The following CEP72 variants were observed in gnomAD, a reference collection of about 807,000 sequenced individuals.
The protein encoded by CEP72 is centrosomal protein 72, also known as centrosomal protein of 72 kDa.
In CEP72, 78 loss-of-function variants were observed where a neutral mutation model predicts 65.7. The ratio of observed to expected loss-of-function variants is 1.19; its 90% CI spans 0.99 to 1.43. The LOEUF is 1.43. CEP72 is among the 40% of genes most tolerant of loss of function. The pLI is 0.00. For missense variants in CEP72, 914 were observed against 832.9 expected, an observed-to-expected ratio of 1.10 and a Z score of -1.20; for synonymous variants, 358 against 351.7, an observed-to-expected ratio of 1.02 and a Z score of -0.20.
downstream of CEP72, among the ~76,000 whole-genome samples, chr5:669,772 C>T (rs1046387746): frequency 2.0e-5 from 3 of 152,052 alleles, no homozygotes; most frequent in East Asian, 1.9e-4. Flanking sequence ...CTGCCCCACA[C>T]GGGCGGGGAG....
rs796181308 is a variant in CEP72 at position 641,381 on chromosome 5, C to T, written c.1539+777C>T. The T allele has an allele frequency of 1.8e-5, 18 of 985,446 alleles. No individual in the cohort carries two copies. In the African/African-American group the frequency reaches 2.8e-4, roughly 15 times the overall value. 61.0% of individuals were successfully genotyped at this position (985,446 alleles called of 1,614,324 possible). On this transcript the variant is annotated intron_variant, in intron 9 of 11. Coordinates refer to ENST00000264935, the MANE Select transcript of CEP72 (RefSeq NM_018140.4). ...TGAGGATGTGCACATCCAGAGGGGCCTTGTCAGCATCTTTAAATTGCGAGT... is the reference window on the plus strand; with the variant it reads ...TGAGGATGTGCACATCCAGAGGGGCTTTGTCAGCATCTTTAAATTGCGAGT...
chr5:641,593 A>G (rs1738030951), intron 9 of CEP72: 1 of 978,298 alleles, frequency 1.0e-6, no homozygotes, highest in African/African-American at 1.8e-5. Context: ...CCCGCCTGGA[A>G]GCCTCTGCAC....
At chr5:628,279 A>T (rs1023286205) in intron 4 of CEP72, among the ~76,000 whole-genome samples, 1 of 152,246 alleles carries the variant, frequency 6.6e-6, no homozygotes, top group Non-Finnish European at 1.5e-5. Context: ...AGAGTGGAAG[A>T]TGACGTGGGT....
At chr5:637,315 ACCCT>A (rs1737676187) in intron 6 of CEP72, among the ~76,000 whole-genome samples, 198 bp from the exon 7 acceptor site, 1 of 151,682 alleles carries the variant, frequency 6.6e-6, no homozygotes, top group Non-Finnish European at 1.5e-5. Context: ...TTCCCTCGGC[ACCCT>A]CCCTCTGCAT....
At chr5:651,236 C>CTG (rs1251068383) in intron 11 of CEP72, among the ~76,000 whole-genome samples, 4 of 30,114 alleles carry the variant, frequency 1.3e-4, no homozygotes, top group African/African-American at 4.0e-4. Context: ...TGAGGTGTGA[C>CTG]TGAGGCGTGG....
At chr5:665,083 G>A (rs145705783) in intron 2 of CEP72, 123 of 1,602,502 alleles carry the variant, frequency 7.7e-5, no homozygotes, top group Middle Eastern at 5.5e-4. Flanking sequence ...CGGCAGTGCC[G>A]CGAGGCATGG....
chr5:662,106 A>G (rs1035182020), intron 1 of CEP72: 17 of 152,374 alleles, frequency 1.1e-4, no homozygotes, highest in African/African-American at 3.9e-4. Context: ...TCTCTCTCAG[A>G]GTGAAGGGAC....
At chr5:648,848 C>A (rs1404785260) in intron 11 of CEP72, among the ~76,000 whole-genome samples, 2 of 19,050 alleles carry the variant, frequency 1.0e-4, no homozygotes, top group Non-Finnish European at 9.8e-5. Context: ...GAGGTGTGGA[C>A]TGTGAGGTGT....
At chr5:656,684 A>T (rs1026102948), downstream of CEP72, among the ~76,000 whole-genome samples, 1 of 152,216 alleles carries the variant, frequency 6.6e-6, no homozygotes, top group Non-Finnish European at 1.5e-5. Context: ...TTTTAGGCAC[A>T]CAGTCATGTT....
At position 645,669 on chromosome 5, in the gene CEP72, C is replaced by T. The variant is rs1738368006; in HGVS notation, c.1666+1244C>T. Among the ~76,000 whole-genome samples, 1 of 152,242 alleles carries T rather than the reference C, an allele frequency of 6.6e-6. No homozygotes were observed. Among genetic ancestry groups the T allele is most frequent in the African/African-American group, 2.4e-5 (1 of 41,462 alleles). On this transcript the variant is annotated intron_variant, in intron 10 of 11. Transcript: ENST00000264935. This position sits in a 1 kb window ranked among gnomAD's most constrained non-coding sequence, Gnocchi z 4.0. ...CGATGGCATCTGATCAGCACTGGTA[C>T]CCGCTCCACGCCCTGAGCTGCTGGG...
rs368448089 is a variant in CEP72, at chr5:633,799, G to A, written c.543G>A (p.Glu181=). 2.2e-5 allele frequency: 35 copies of A among 1,614,120 alleles called. No homozygotes were observed. In the African/African-American group the frequency reaches 4.1e-4, roughly 19 times the overall value. Residue 181 remains glutamate, a synonymous_variant, in exon 5 of 12, where the codon GAG becomes GAA. Coordinates refer to ENST00000264935, the MANE Select transcript of CEP72 (RefSeq NM_018140.4). The part of the protein sequence containing the change: ...RPHHPRAKCT[E]ALAKQSLVMD... ...ACCACCCCAGAGCCAAGTGCACCGA[G>A]GCCTTGGCCAAGCAGAGCCTGGTCA...
At chr5:674,372 C>T in the CEP72 span, among the ~76,000 whole-genome samples, 1 of 152,298 alleles carries the variant, frequency 6.6e-6, no homozygotes, top group East Asian at 1.9e-4. Flanking sequence ...GCCCTGGCAG[C>T]CAAGGGGAGG....
intron 1 of CEP72, among the ~76,000 whole-genome samples, chr5:615,372 G>A (rs755698453): frequency 3.9e-5 from 6 of 152,120 alleles, no homozygotes; most frequent in Non-Finnish European, 5.9e-5. Context: ...CTGACCTCAG[G>A]TGATCTCTGC....
At chr5:675,984 C>G in the CEP72 span, 1 of 152,088 alleles carries the variant, frequency 6.6e-6, no homozygotes, top group East Asian at 1.9e-4. Context: ...AGCTCGCACC[C>G]GGGGCCCTGG....
the CEP72 span, among the ~76,000 whole-genome samples, chr5:675,602 G>A: frequency 1.3e-5 from 2 of 151,396 alleles, no homozygotes; most frequent in Admixed American, 6.6e-5. Context: ...AGCATGGGGG[G>A]TACAGTGTGG....
Position 620,268 on chromosome 5 carries a change from A to G in CEP72, c.403+7A>G. The G allele has an allele frequency of 1.9e-6, 3 of 1,612,160 alleles. No individual in the cohort carries two copies. The highest frequency in any genetic ancestry group is 2.5e-6 in the Non-Finnish European group (3 of 1,178,272). ...CCCAAGCTCCAGCAGCTGGGTAGGC[A>G]TCAGGCAGGGCCACGCTCATGCTTT... On this transcript the variant is annotated splice_region_variant and intron_variant, in intron 3 of 11. Coordinates refer to ENST00000264935, the MANE Select transcript of CEP72 (RefSeq NM_018140.4).
In CEP72 at chr5:612,446, G is replaced by T; in HGVS notation, c.82+3G>T. 1 of 1,445,432 alleles carries T rather than the reference G, an allele frequency of 6.9e-7. No individual in the cohort carries two copies. Among genetic ancestry groups the T allele is most frequent in the Non-Finnish European group, 9.1e-7 (1 of 1,100,044 alleles). The allele number at this position is 1,445,432 out of a possible 1,614,324, so 89.5% of individuals were successfully genotyped here. On this transcript the variant is annotated splice_donor_region_variant and intron_variant, in intron 1 of 11. Coordinates refer to ENST00000264935, the MANE Select transcript of CEP72 (RefSeq NM_018140.4). The stretch of plus-strand genomic sequence containing the variant: ...CTTAGGGCCTCACCGCGACCTGGGT[G>T]CGCCGGAGGGCGGGCGGGGGTGCAA...
At chr5:673,761 C>T in the CEP72 span, among the ~76,000 whole-genome samples, 1 of 152,160 alleles carries the variant, frequency 6.6e-6, no homozygotes, top group African/African-American at 2.4e-5. Context: ...AGCTTTAGCC[C>T]CCCAAGCGCC....
At chr5:641,103 C>T in intron 9 of CEP72, 1 of 985,450 alleles carries the variant, frequency 1.0e-6, no homozygotes, top group Non-Finnish European at 1.2e-6. Context: ...CAGCCAGGCT[C>T]CCTCCTTCCG....
Sources: allele counts gnomAD v4.1 joint callset (sites outside exome capture counted in the v4.1 genomes callset), GRCh38; gene constraint gnomAD v4.1.1; non-coding constraint Gnocchi (gnomAD v3.1); transcripts MANE v1.5; gene names NCBI Gene and HGNC (gene_info 2026-07-23, HGNC 2026-07-21).